CNTN6: variants seen among roughly 807,000 people sequenced by gnomAD.
CNTN6 encodes contactin 6, also known as contactin-6.
Under a neutral mutation model 122.8 loss-of-function variants are expected in CNTN6, and 137 were observed. The observed-to-expected ratio is 1.12, with a 90% CI of 0.97 to 1.29. The LOEUF is 1.29. Ranked by LOEUF, CNTN6 falls within the 50% of genes most tolerant of loss-of-function variation. The probability of loss-of-function intolerance (pLI) is 0.00; values close to 1 mark genes in which losing one functional copy is unlikely to be tolerated. For synonymous variants in CNTN6, 570 were observed against 426.0 expected (o/e 1.34, Z -4.16); for missense variants, 1,634 against 1,223.4 (o/e 1.34, Z -5.01).
intron 7 of CNTN6, among the ~76,000 whole-genome samples, chr3:1,306,097 C>G (rs1190369679): frequency 6.6e-6 from 1 of 152,094 alleles, no homozygotes; most frequent in African/African-American, 2.4e-5. Context: ...TTGAATTAAT[C>G]ACTCAGGTAT....
chr3:1,312,077 C>A (rs899535296), intron 7 of CNTN6, among the ~76,000 whole-genome samples: 2 of 151,862 alleles, frequency 1.3e-5, no homozygotes, highest in Non-Finnish European at 2.9e-5. Flanking sequence ...TAAAATACTA[C>A]GATTTCTAAA....
chr3:1,352,143 T>C (rs1705736496), intron 11 of CNTN6, among the ~76,000 whole-genome samples, 181 bp from the exon 12 acceptor site: 1 of 151,886 alleles, frequency 6.6e-6, no homozygotes, highest in Non-Finnish European at 1.5e-5. Context: ...GCAAATGCCA[T>C]TTACTGTAAT....
intron 4 of CNTN6, among the ~76,000 whole-genome samples, chr3:1,240,366 T>G (rs894695094): frequency 6.6e-6 from 1 of 152,118 alleles, no homozygotes; most frequent in Admixed American, 6.6e-5. Context: ...GCTAAGGACA[T>G]GAATAGACAA....
At chr3:1,255,989 C>G (rs1010183081) in intron 4 of CNTN6, among the ~76,000 whole-genome samples, 2 of 152,030 alleles carry the variant, frequency 1.3e-5, no homozygotes, top group African/African-American at 4.8e-5. Context: ...TCAGCTCAGT[C>G]TCCCAAGCAG....
intron 7 of CNTN6, among the ~76,000 whole-genome samples, chr3:1,312,258 T>A (rs1312035243): frequency 1.3e-5 from 2 of 151,930 alleles, no homozygotes; most frequent in Non-Finnish European, 2.9e-5. Flanking sequence ...TAGAGTGGAT[T>A]GTTACAGTGC....
chr3:1,325,758 A>T, intron 8 of CNTN6, 57 bp from the exon 9 acceptor site: 1 of 1,579,574 alleles, frequency 6.3e-7, no homozygotes, highest in South Asian at 1.2e-5. Context: ...GTAATGTAGC[A>T]TAATGTCTTG....
At chr3:1,301,362 G>A (rs974117675) in intron 7 of CNTN6, among the ~76,000 whole-genome samples, 4 of 151,946 alleles carry the variant, frequency 2.6e-5, no homozygotes, top group Admixed American at 2.0e-4. Context: ...AATTAAACTA[G>A]CAATATTTGA....
At chr3:1,204,449 G>A (rs1391133077) in intron 2 of CNTN6, among the ~76,000 whole-genome samples, 5 of 152,260 alleles carry the variant, frequency 3.3e-5, no homozygotes, top group South Asian at 2.1e-4. Context: ...GTCCCTCAGC[G>A]TCAATGTACA....
chr3:1,251,161 C>G (rs2094660870), intron 4 of CNTN6, among the ~76,000 whole-genome samples: 1 of 152,164 alleles, frequency 6.6e-6, no homozygotes, highest in Non-Finnish European at 1.5e-5. Context: ...TTGCCAGTTT[C>G]TTGACTTCTT....
At chr3:1,227,329 T>G (rs2094297123) in intron 3 of CNTN6, among the ~76,000 whole-genome samples, 1 of 152,242 alleles carries the variant, frequency 6.6e-6, no homozygotes, top group Non-Finnish European at 1.5e-5. Context: ...AATCATGTTC[T>G]AAAGTAGTCA....
At chr3:1,232,741 G>C (rs2094368600) in intron 4 of CNTN6, among the ~76,000 whole-genome samples, 1 of 152,172 alleles carries the variant, frequency 6.6e-6, no homozygotes. Context: ...AGTGAGAAAG[G>C]TGAAATTGAC....
chr3:1,392,315 C>T (rs1694278344), intron 20 of CNTN6, among the ~76,000 whole-genome samples: 1 of 152,098 alleles, frequency 6.6e-6, no homozygotes, highest in Non-Finnish European at 1.5e-5. Context: ...AAAGGATTCC[C>T]TATTTAATAA....
At chr3:1,107,413 A>G (rs2091277371) in intron 1 of CNTN6, among the ~76,000 whole-genome samples, 3 of 152,158 alleles carry the variant, frequency 2.0e-5, no homozygotes, top group Admixed American at 2.0e-4. Context: ...ATTCATGGCA[A>G]ATCCAAGAGC....
intron 16 of CNTN6, 119 bp downstream of exon 16, chr3:1,374,192 C>A: frequency 1.1e-6 from 1 of 946,378 alleles, no homozygotes; most frequent in Non-Finnish European, 1.5e-6. Context: ...TGGCAGTAAA[C>A]GAGTGGCTCT....
rs751624042 is a variant in CNTN6, at chr3:1,297,929, T to C, written c.699T>C (p.Phe233=). Reference sequence around the variant, plus strand: ...ATGAACCAAAGATTGAAGTGCGTTTTCCTGAAACTATACAAGCTGCAAAGG... The same window carrying C: ...ATGAACCAAAGATTGAAGTGCGTTTCCCTGAAACTATACAAGCTGCAAAGG... ...GEYEPKIEVR[F]PETIQAAKDS... Residue 233 remains phenylalanine (F), a synonymous_variant, in exon 7 of 23, where the codon TTT becomes TTC. Transcript: ENST00000446702. 3 of 1,613,032 alleles carry C rather than the reference T, an allele frequency of 1.9e-6. No homozygotes were observed. Among genetic ancestry groups the C allele is most frequent in the Admixed American group, 3.3e-5 (2 of 59,986 alleles).
chr3:1,309,428 A>G lies in CNTN6; in HGVS notation c.761+11437A>G, dbSNP rs139735170. ...TTGCGTTTGCTCCTTTGTCAAAGATATGCTGACTGTATTTGTATAGGTCTA... is the reference window on the plus strand; with the variant it reads ...TTGCGTTTGCTCCTTTGTCAAAGATGTGCTGACTGTATTTGTATAGGTCTA... On this transcript the variant is annotated intron_variant, in intron 7 of 22. Transcript: ENST00000446702. Among the ~76,000 whole-genome samples the G allele has an allele frequency of 3.3e-5, 5 of 152,334 alleles. No individual in the cohort carries two copies. The East Asian group carries it at 9.6e-4, about 29-fold the overall frequency.
intron 2 of CNTN6, among the ~76,000 whole-genome samples, chr3:1,200,196 G>A (rs1233414114): frequency 2.6e-5 from 4 of 152,170 alleles, no homozygotes; most frequent in Admixed American, 2.0e-4. Context: ...ACCACGCCTG[G>A]CTAATTTTTG....
chr3:1,197,676 C>T (rs1345800657), intron 2 of CNTN6, among the ~76,000 whole-genome samples: 1 of 152,130 alleles, frequency 6.6e-6, no homozygotes, highest in African/African-American at 2.4e-5. Flanking sequence ...GGTGAGGGCT[C>T]CTGAGTTTAC....
chr3:1,233,734 CAAAAAAAAAAAAAAA>C (rs1166507455), intron 4 of CNTN6, among the ~76,000 whole-genome samples: 1 of 52,168 alleles, frequency 1.9e-5, no homozygotes, highest in Non-Finnish European at 3.4e-5. Context: ...GACTCTGTCT[CAAAAAAAAAAAAAAA>C]AAAAAAAAAG....
Sources: allele counts gnomAD v4.1 joint callset (sites outside exome capture counted in the v4.1 genomes callset), GRCh38; gene constraint gnomAD v4.1.1; transcripts MANE v1.5; gene names NCBI Gene and HGNC (gene_info 2026-07-23, HGNC 2026-07-21).